CPNE4: variants seen among roughly 807,000 people sequenced by gnomAD.
The protein encoded by CPNE4 is copine-4.
In CPNE4, 25 loss-of-function variants were observed where a neutral mutation model predicts 67.9. The ratio of observed to expected loss-of-function variants is 0.37; its 90% CI spans 0.27 to 0.51. The LOEUF is 0.51. CPNE4 is among the 20% of genes least tolerant of loss of function. CPNE4 has a pLI of 0.93. For missense variants in CPNE4, 464 were observed against 690.8 expected, an observed-to-expected ratio of 0.67 and a Z score of 3.68; for synonymous variants, 242 against 244.9, an observed-to-expected ratio of 0.99 and a Z score of 0.11.
At position 131,953,249 on chromosome 3, in the gene CPNE4, A is replaced by AAATAAT. The variant is rs1560669164; in HGVS notation, c.-1-47806_-1-47805insATTATT. Among the ~76,000 whole-genome samples the AAATAAT allele has an allele frequency of 7.8e-5, 11 of 141,148 alleles. 1 individual carries two copies. Among genetic ancestry groups the AAATAAT allele is most frequent in the South Asian group, 4.4e-4 (2 of 4,582 alleles). The allele number at this position is 141,148 out of a possible 152,430, so 92.6% of individuals were successfully genotyped here. ...CCAAGAATGATCAATTAAAAAAAAA[A>AAATAAT]AAAAAAAAAAAAAAAAAGAATGGTG... On this transcript the variant is annotated intron_variant, in intron 1 of 15. Transcript: ENST00000429747.
intron 1 of CPNE4, among the ~76,000 whole-genome samples, chr3:131,930,434 G>C (rs1463207396): frequency 1.4e-5 from 2 of 144,264 alleles, no homozygotes; most frequent in African/African-American, 2.6e-5. Context: ...TCTTCTAGTT[G>C]GATTTCCAAT....
intron 2 of CPNE4, among the ~76,000 whole-genome samples, chr3:131,820,751 T>C (rs145224630): frequency 1.2e-4 from 18 of 152,352 alleles, no homozygotes; most frequent in African/African-American, 3.1e-4. Context: ...CTCTTTTAAA[T>C]TTCTCAGTAT....
intron 7 of CPNE4, among the ~76,000 whole-genome samples, chr3:131,588,969 A>G (rs1313335223): frequency 1.3e-5 from 2 of 152,178 alleles, no homozygotes; most frequent in East Asian, 1.9e-4. Flanking sequence ...ATCAAAATGT[A>G]TATAGGCTAG....
chr3:131,863,247 T>C (rs1326208468), intron 2 of CPNE4, among the ~76,000 whole-genome samples: 1 of 152,156 alleles, frequency 6.6e-6, no homozygotes, highest in Non-Finnish European at 1.5e-5. Flanking sequence ...CTGGGTCAAA[T>C]GGTATTTCTA....
At chr3:131,872,077 C>T (rs2087234441) in intron 2 of CPNE4, among the ~76,000 whole-genome samples, 1 of 152,144 alleles carries the variant, frequency 6.6e-6, no homozygotes, top group African/African-American at 2.4e-5. Context: ...GTAACTGCCT[C>T]AAACAACAGT....
At chr3:131,620,012 T>C (rs1409216810) in intron 7 of CPNE4, among the ~76,000 whole-genome samples, 1 of 152,138 alleles carries the variant, frequency 6.6e-6, no homozygotes, top group Non-Finnish European at 1.5e-5. Context: ...CGTAAACCCC[T>C]GCCTAGCAAC....
At chr3:131,929,017 C>T (rs1366551905) in intron 1 of CPNE4, among the ~76,000 whole-genome samples, 6 of 152,030 alleles carry the variant, frequency 3.9e-5, no homozygotes. Context: ...GCAAAGAAGC[C>T]ACTCTGATTT....
intron 7 of CPNE4, among the ~76,000 whole-genome samples, chr3:131,664,022 C>T (rs1321100882): frequency 6.6e-6 from 1 of 152,168 alleles, no homozygotes; most frequent in Non-Finnish European, 1.5e-5. Context: ...GCAAATAGCT[C>T]CTATCAACCA....
chr3:131,686,006 CT>C, intron 5 of CPNE4, 48 bp from the exon 6 acceptor site: 4 of 1,025,440 alleles, frequency 3.9e-6, no homozygotes, highest in Non-Finnish European at 4.6e-6. Context: ...TGCATTTGAT[CT>C]AGTCCTGATC....
At chr3:131,883,442 A>G (rs1368657824) in intron 2 of CPNE4, among the ~76,000 whole-genome samples, 3 of 152,206 alleles carry the variant, frequency 2.0e-5, no homozygotes, top group Non-Finnish European at 4.4e-5. Flanking sequence ...CCTGATCCAA[A>G]CTACCAGTGC....
At chr3:131,927,439 C>T (rs1009030964) in intron 1 of CPNE4, among the ~76,000 whole-genome samples, 2 of 150,812 alleles carry the variant, frequency 1.3e-5, no homozygotes, top group Non-Finnish European at 3.0e-5. Context: ...ACTACAAATA[C>T]TTGTCTTTCA....
At chr3:131,535,352 A>T in intron 15 of CPNE4, 23 bp from the exon 16 acceptor site, 1 of 1,602,152 alleles carries the variant, frequency 6.2e-7, no homozygotes, top group Non-Finnish European at 8.5e-7. Flanking sequence ...AGAAATCATC[A>T]TGACGTTGGC....
chr3:131,965,687 T>C (rs1014722571), intron 1 of CPNE4, among the ~76,000 whole-genome samples: 11 of 152,204 alleles, frequency 7.2e-5, no homozygotes, highest in Non-Finnish European at 1.3e-4. Context: ...ATCCTAAATA[T>C]ATATGCACCC....
At position 131,905,371 on chromosome 3, in the gene CPNE4, T is replaced by C; in HGVS notation, c.73A>G (p.Lys25Glu). Residue 25 changes from lysine (K) to glutamate (E), a missense_variant, in exon 2 of 16, where the codon AAA becomes GAA. By Grantham distance (56) the Lys-to-Glu change is moderately conservative. Around this residue, in one of 6 missense-constraint regions of CPNE4, gnomAD observed 170 missense variants for 203.3 expected, o/e 0.84. Coordinates refer to ENST00000429747, the MANE Select transcript of CPNE4 (RefSeq NM_130808.3). ...LGIFNSPCLT[K>E]VELRVACKGI... is the part of the protein sequence containing the mutation. ...TTGCACGCCACACGCAGCTCAACTT[T>C]GGTCAGGCAGGGGCTGTTAAAGATT... is the stretch of plus-strand genomic sequence containing the variant. 1 of 1,613,550 alleles carries C rather than the reference T, an allele frequency of 6.2e-7. No homozygotes were observed. Among genetic ancestry groups the C allele is most frequent in the Admixed American group, 1.7e-5 (1 of 59,912 alleles).
chr3:131,588,296 G>A (rs1369614336), intron 7 of CPNE4, among the ~76,000 whole-genome samples: 3 of 152,146 alleles, frequency 2.0e-5, no homozygotes, highest in Non-Finnish European at 2.9e-5. Flanking sequence ...AGAGTGACTA[G>A]ACTGAATCAG....
chr3:131,544,765 A>G (rs72997270), intron 14 of CPNE4, among the ~76,000 whole-genome samples: 1,995 of 152,236 alleles, frequency 0.013, 41 homozygotes, highest in African/African-American at 0.046. Flanking sequence ...TGCACCTGGA[A>G]GACCAGGGCA....
chr3:131,717,935 T>TTTCTTTC lies in CPNE4; in HGVS notation c.360+5504_360+5510dup, dbSNP rs2081771764. Among the ~76,000 whole-genome samples, 5 of 139,562 alleles carry TTTCTTTC rather than the reference T, an allele frequency of 3.6e-5. No homozygotes were observed. The South Asian group carries it at 1.2e-3, about 32-fold the overall frequency. 91.6% of individuals were successfully genotyped at this position (139,562 alleles called of 152,430 possible). A position where few individuals can be genotyped will look rare whatever the true frequency, so the allele number is the denominator to read the frequency against. ...CTTTCTTTCTTTCTTTCTTTCTTTC[T>TTTCTTTC]TTCTTTCTTTTCTTTCTTTCTCTCT... On this transcript the variant is annotated intron_variant, in intron 3 of 15. Transcript: ENST00000429747.
At chr3:131,593,413 T>C (rs942305525) in intron 7 of CPNE4, among the ~76,000 whole-genome samples, 2 of 152,194 alleles carry the variant, frequency 1.3e-5, no homozygotes, top group Non-Finnish European at 2.9e-5. Flanking sequence ...TTTACTGTTC[T>C]TGATGCTATT....
chr3:131,620,732 G>T (rs1023888360), intron 7 of CPNE4, among the ~76,000 whole-genome samples: 1 of 152,154 alleles, frequency 6.6e-6, no homozygotes, highest in Non-Finnish European at 1.5e-5. Context: ...AGAGGTCAGG[G>T]TGCTGTGATT....
Sources: gnomAD v4.1 joint callset for allele counts (sites outside exome capture counted in the v4.1 genomes callset) on GRCh38, gnomAD v4.1.1 for gene constraint, gnomAD v4.1.1 regional missense constraint, MANE v1.5 for transcripts, NCBI Gene and HGNC (gene_info 2026-07-23, HGNC 2026-07-21) for gene names.